NHS: variants seen among roughly 807,000 people sequenced by gnomAD.
NHS encodes actin remodeling regulator NHS.
In NHS, 5 loss-of-function variants were observed where a neutral mutation model predicts 72.5. The ratio of observed to expected loss-of-function variants is 0.07; its 90% confidence interval spans 0.04 to 0.14. The LOEUF is 0.14. Ranked by LOEUF, NHS falls within the 10% of genes least tolerant of loss-of-function variation. The pLI, the probability that NHS is intolerant of heterozygous loss-of-function variation, is 1.00. For synonymous variants in NHS, 464 were observed against 547.7 expected (o/e 0.85, Z 2.13); for missense variants, 1,072 against 1,355.7 (o/e 0.79, Z 3.29).
rs759754513 is a variant in NHS, at chrX:17,443,620, G to T, written c.565+67298G>T. Among the ~76,000 whole-genome samples the T allele has an allele frequency of 2.7e-5, 3 of 111,746 alleles. No individual in the cohort carries two copies. In the South Asian group the frequency reaches 1.2e-3, roughly 43 times the overall value. ...TGATGGCAGTAGCAATACCGCTAAG[G>T]TTCCCCACCTCCCCATTGCAAATTT... On this transcript the variant is annotated intron_variant, in intron 1 of 8. Transcript: ENST00000676302.
Position 17,727,181 on chromosome X carries a change from T to C in NHS, c.3075T>C (p.Tyr1025=), listed in dbSNP as rs1471546222. ...LAGLASPSSG[Y]SSQSETPTSS... ...GCTTGGCATCTCCATCAAGTGGCTA[T>C]TCAAGCCAGTCTGAAACGCCAACAT... Residue 1025 remains tyrosine (Y), a synonymous_variant, in exon 7 of 9, where the codon TAT becomes TAC. Coordinates refer to ENST00000676302, the MANE Select transcript of NHS (RefSeq NM_001291867.2). 1.7e-6 allele frequency: 2 copies of C among 1,210,735 alleles called. No individual in the cohort carries two copies.
At chrX:17,594,161 AG>A (rs2065615208) in intron 1 of NHS, among the ~76,000 whole-genome samples, 1 of 112,242 alleles carries the variant, frequency 8.9e-6, no homozygotes, top group South Asian at 3.6e-4. Context: ...ATCTATGTTC[AG>A]AAAAGTTGAA....
chrX:17,656,189 G>A (rs1291807279), intron 1 of NHS, among the ~76,000 whole-genome samples: 2 of 113,101 alleles, frequency 1.8e-5, no homozygotes, highest in African/African-American at 6.4e-5. Flanking sequence ...CGCGGGGCCC[G>A]GCGGCGCGCC....
At chrX:17,704,914 C>T (rs999514966) in intron 3 of NHS, among the ~76,000 whole-genome samples, 1 of 111,961 alleles carries the variant, frequency 8.9e-6, no homozygotes, top group Admixed American at 9.5e-5. Context: ...CATTCACACC[C>T]CTGTTGGGTG....
At chrX:17,595,540 A>G (rs1161300142) in intron 1 of NHS, among the ~76,000 whole-genome samples, 1 of 111,892 alleles carries the variant, frequency 8.9e-6, no homozygotes, top group African/African-American at 3.2e-5. Flanking sequence ...AATCTTGTTA[A>G]TACTTAACCT....
intron 1 of NHS, among the ~76,000 whole-genome samples, chrX:17,584,318 C>G (rs2065562008): frequency 9.0e-6 from 1 of 110,949 alleles, no homozygotes; most frequent in African/African-American, 3.3e-5. Flanking sequence ...GGAGGGAGGG[C>G]AGGGTGGGGC....
chrX:17,588,454 A>G (rs1045102873), intron 1 of NHS, among the ~76,000 whole-genome samples: 1 of 112,317 alleles, frequency 8.9e-6, no homozygotes, highest in Non-Finnish European at 1.9e-5. Context: ...GAGACAGTCA[A>G]TTCTGCCTTA....
rs771594495 is a variant in NHS at position 17,509,678 on chromosome X, GA to G, written c.565+133357del. Among the ~76,000 whole-genome samples the G allele has an allele frequency of 9.1e-3, 1,024 of 112,527 alleles. 14 individuals are homozygous for G. The highest frequency in any genetic ancestry group is 0.031 in the African/African-American group (974 of 30,932). On this transcript the variant is annotated intron_variant, in intron 1 of 8. Transcript: ENST00000676302. ...TTACAAATGAAGAAACTGGGACTCA[GA>G]GAGGTCAAGGAACTTGCTCAAGGTC...
At chrX:17,615,305 T>G (rs2065739691) in intron 1 of NHS, among the ~76,000 whole-genome samples, 1 of 103,121 alleles carries the variant, frequency 9.7e-6, no homozygotes, top group Non-Finnish European at 2.0e-5. Flanking sequence ...CAGGCTGGGG[T>G]GCAGTGGCAC....
intron 1 of NHS, among the ~76,000 whole-genome samples, chrX:17,465,144 A>G (rs1309525664): frequency 8.9e-6 from 1 of 111,962 alleles, no homozygotes; most frequent in African/African-American, 3.3e-5. Flanking sequence ...CTATGTCTCC[A>G]GGTAAGTCCC....
chrX:17,487,422 T>G (rs979888628), intron 1 of NHS, among the ~76,000 whole-genome samples: 24 of 112,006 alleles, frequency 2.1e-4, no homozygotes, highest in Middle Eastern at 4.2e-3. Flanking sequence ...ATTTATGTAT[T>G]TTCTGGCTGG....
chrX:17,644,249 C>T (rs1250205898), intron 1 of NHS, among the ~76,000 whole-genome samples: 1 of 111,433 alleles, frequency 9.0e-6, no homozygotes, highest in Non-Finnish European at 1.9e-5. Context: ...TCTTTTTCCC[C>T]TCCACCTCCT....
intron 1 of NHS, among the ~76,000 whole-genome samples, chrX:17,678,743 G>C (rs1458174016): frequency 8.9e-6 from 1 of 111,879 alleles, no homozygotes; most frequent in Non-Finnish European, 1.9e-5. Context: ...GAGAGAGAGA[G>C]AGAGCTGTAT....
intron 1 of NHS, among the ~76,000 whole-genome samples, chrX:17,592,493 T>C (rs1324056636): frequency 2.7e-5 from 3 of 111,751 alleles, no homozygotes; most frequent in Non-Finnish European, 5.6e-5. Flanking sequence ...TATATTTCTG[T>C]TTGCTGGAGC....
chrX:17,399,348 C>G (rs1046852821), intron 1 of NHS, among the ~76,000 whole-genome samples: 2 of 111,500 alleles, frequency 1.8e-5, no homozygotes, highest in African/African-American at 6.5e-5. Context: ...GTGATCCACC[C>G]GCCGTGGCCT....
rs1322765335 is a variant in NHS at position 17,727,034 on chromosome X, A to C, written c.2928A>C (p.Glu976Asp). The C allele has an allele frequency of 8.3e-7, 1 of 1,210,304 alleles. No homozygotes were observed. The highest frequency in any genetic ancestry group is 1.7e-5 in the African/African-American group (1 of 57,223). Residue 976 changes from glutamate (E) to aspartate (D), a missense_variant, in exon 7 of 9, where the codon GAA becomes GAC. Glu to Asp is a conservative substitution (Grantham distance 45). Coordinates refer to ENST00000676302, the MANE Select transcript of NHS (RefSeq NM_001291867.2). ...SSTATGTTVI[E>D]CIKSPESSES... is the part of the protein sequence containing the mutation. Reference sequence around the variant, plus strand: ...CCGCTACGGGTACCACAGTCATTGAATGCATCAAATCTCCAGAGAGCTCTG... The same window carrying C: ...CCGCTACGGGTACCACAGTCATTGACTGCATCAAATCTCCAGAGAGCTCTG...
At chrX:17,455,556 A>G (rs1033884321) in intron 1 of NHS, among the ~76,000 whole-genome samples, 3 of 110,474 alleles carry the variant, frequency 2.7e-5, no homozygotes, top group Non-Finnish European at 5.6e-5. Context: ...CAAGTGGTAG[A>G]ACTGGAAATT....
At chrX:17,641,539 G>A (rs1390730328) in intron 1 of NHS, among the ~76,000 whole-genome samples, 1 of 111,360 alleles carries the variant, frequency 9.0e-6, no homozygotes, top group Non-Finnish European at 1.9e-5. Context: ...TTGGTAAAGG[G>A]CAAAAATCCA....
At chrX:17,448,854 T>C (rs2064793986) in intron 1 of NHS, among the ~76,000 whole-genome samples, 1 of 112,420 alleles carries the variant, frequency 8.9e-6, no homozygotes, top group Admixed American at 9.4e-5. Context: ...TGGTTGTATG[T>C]GCACACTGCA....
Sources: allele counts gnomAD v4.1 joint callset (sites outside exome capture counted in the v4.1 genomes callset), GRCh38; gene constraint gnomAD v4.1.1; transcripts MANE v1.5; gene names NCBI Gene and HGNC (gene_info 2026-07-23, HGNC 2026-07-21).